The following CES5A variants were observed in gnomAD, a reference collection of about 807,000 sequenced individuals.
CES5A encodes carboxylesterase 5A.
In CES5A, 67 loss-of-function variants were observed where a neutral mutation model predicts 62.9. The observed-to-expected ratio is 1.07, with a 90% CI of 0.88 to 1.31. CES5A has a LOEUF of 1.31. CES5A is among the 50% of genes most tolerant of loss of function. The pLI is 0.00. For synonymous variants in CES5A, 296 were observed against 280.8 expected, an observed-to-expected ratio of 1.05 and a Z score of -0.54; for missense variants, 748 against 708.5, an observed-to-expected ratio of 1.06 and a Z score of -0.63.
At chr16:55,942,755 C>A (rs1358802552) in intron 2 of CES5A, among the ~76,000 whole-genome samples, 1 of 152,082 alleles carries the variant, frequency 6.6e-6, no homozygotes, top group African/African-American at 2.4e-5. Flanking sequence ...TCATAATATC[C>A]AAAATTGGAA....
chr16:55,937,637 C>T (rs144954224), intron 2 of CES5A, among the ~76,000 whole-genome samples: 4 of 152,308 alleles, frequency 2.6e-5, no homozygotes, highest in African/African-American at 4.8e-5. Flanking sequence ...ACAACTGGGA[C>T]GCCTGCAAAG....
intron 7 of CES5A, among the ~76,000 whole-genome samples, chr16:55,860,260 C>T (rs1165405560): frequency 1.3e-5 from 2 of 152,130 alleles, no homozygotes. Context: ...TTTATTAAAC[C>T]TCTTTCCTTT....
At chr16:55,872,095 A>G (rs2033601990) in intron 2 of CES5A, among the ~76,000 whole-genome samples, 2 of 152,186 alleles carry the variant, frequency 1.3e-5, no homozygotes, top group Admixed American at 6.5e-5. Flanking sequence ...AGCTGGCCCA[A>G]CAATTCCCCA....
intron 8 of CES5A, among the ~76,000 whole-genome samples, chr16:55,857,970 G>A (rs367934942): frequency 5.3e-5 from 8 of 152,206 alleles, no homozygotes; most frequent in African/African-American, 1.9e-4. Context: ...CAAAGCAGGT[G>A]GATCACTTGA....
chr16:55,916,288 G>A (rs1263358340), intron 1 of CES5A, among the ~76,000 whole-genome samples: 1 of 152,170 alleles, frequency 6.6e-6, no homozygotes, highest in Non-Finnish European at 1.5e-5. Flanking sequence ...ATAATGACTG[G>A]TAATGGTTTA....
In CES5A at chr16:55,941,775, G is replaced by T. The variant is rs74019335; in HGVS notation, c.160+8010C>A. ...GTGTCAGCAAAAGAACAGGCACATA[G>T]ATAGCATAAGGGAGTTTCTTGGGGT... is the stretch of plus-strand genomic sequence containing the variant. On this transcript the variant is annotated intron_variant, in intron 2 of 13. Transcript: ENST00000521992. Among the ~76,000 whole-genome samples, 934 of 152,206 alleles carry T rather than the reference G, an allele frequency of 6.1e-3. 12 individuals are homozygous for T. The highest frequency in any genetic ancestry group is 0.02 in the African/African-American group (837 of 41,554).
chr16:55,864,389 G>A (rs74606162), intron 5 of CES5A, among the ~76,000 whole-genome samples: 1 of 152,148 alleles, frequency 6.6e-6, no homozygotes. Flanking sequence ...CTGAGCCAGT[G>A]GACCATTTTC....
At position 55,863,379 on chromosome 16, in the gene CES5A, A is replaced by T. The variant is rs757307083; in HGVS notation, c.779T>A (p.Leu260Gln). 271 of 1,603,254 alleles carry T rather than the reference A, an allele frequency of 1.7e-4. No individual in the cohort carries two copies. The highest frequency in any genetic ancestry group is 6.9e-4 in the Middle Eastern group (4 of 5,772). Residue 260 changes from leucine (L) to glutamine (Q), a missense_variant, in exon 6 of 13, where the codon CTG (leucine) becomes CAG (glutamine). By Grantham distance (113) the Leu-to-Gln change is moderately radical. Coordinates refer to ENST00000290567, the MANE Select transcript of CES5A (RefSeq NM_001143685.2). ...MESGVAIIPY[L>Q]EAHDYEKSED... ...ACTCTTCTCATAATCATGGGCCTCC[A>T]GGTAAGGGATGATGGCCACCCCACT...
chr16:55,905,228 C>T (rs1453476700), intron 1 of CES5A, among the ~76,000 whole-genome samples: 1 of 152,176 alleles, frequency 6.6e-6, no homozygotes, highest in Non-Finnish European at 1.5e-5. Context: ...GGCTTTATCA[C>T]ACAGACAACT....
intron 1 of CES5A, among the ~76,000 whole-genome samples, chr16:55,883,132 CAG>C (rs2142426131): frequency 6.6e-6 from 1 of 152,326 alleles, no homozygotes; most frequent in African/African-American, 2.4e-5. Flanking sequence ...CAGCTATGAT[CAG>C]AGTTACCGCT....
At chr16:55,871,538 C>G in intron 3 of CES5A, 87 bp downstream of exon 3, 1 of 1,487,118 alleles carries the variant, frequency 6.7e-7, no homozygotes, top group South Asian at 1.3e-5. Context: ...GGGGGTAGTT[C>G]CAATTCCAGA....
chr16:55,856,713 T>C (rs2033251547), intron 8 of CES5A, among the ~76,000 whole-genome samples: 1 of 152,234 alleles, frequency 6.6e-6, no homozygotes, highest in Non-Finnish European at 1.5e-5. Context: ...CATTATGGGC[T>C]TAATTGTGGC....
chr16:55,851,851 C>A, intron 10 of CES5A, among the ~76,000 whole-genome samples: 1 of 152,254 alleles, frequency 6.6e-6, no homozygotes, highest in East Asian at 1.9e-4. Flanking sequence ...GAACATTAGT[C>A]AGCCTTAAAA....
chr16:55,877,276 C>G (rs1303358227), upstream of CES5A, among the ~76,000 whole-genome samples: 6 of 152,114 alleles, frequency 3.9e-5, no homozygotes, highest in Non-Finnish European at 8.8e-5. Flanking sequence ...ATTATGCTAT[C>G]TAAAGAAACT....
chr16:55,955,109 C>T lies in CES5A; in HGVS notation c.42+735G>A, dbSNP rs543028904. Among the ~76,000 whole-genome samples, 5 of 152,306 alleles carry T rather than the reference C, an allele frequency of 3.3e-5. No individual in the cohort carries two copies. In the South Asian group the frequency reaches 1.0e-3, roughly 32 times the overall value. On this transcript the variant is annotated intron_variant, in intron 1 of 13. Coordinates refer to the CES5A transcript ENST00000521992. Reference sequence around the variant, plus strand: ...AATGACAGTTCTGGCTGCTGCTTCCCTGACCCCTTCCTTCTGCCCCAGGGA... The same window carrying T: ...AATGACAGTTCTGGCTGCTGCTTCCTTGACCCCTTCCTTCTGCCCCAGGGA...
intron 1 of CES5A, among the ~76,000 whole-genome samples, chr16:55,883,849 A>G (rs2033786409): frequency 6.6e-6 from 1 of 152,170 alleles, no homozygotes; most frequent in Non-Finnish European, 1.5e-5. Flanking sequence ...CACTAGAGAA[A>G]TGACCACTAT....
chr16:55,903,351 G>GT (rs1397682170), intron 1 of CES5A, among the ~76,000 whole-genome samples: 1 of 152,202 alleles, frequency 6.6e-6, no homozygotes, highest in Non-Finnish European at 1.5e-5. Context: ...AACAATATTT[G>GT]TTTTTAACAA....
chr16:55,851,967 T>C (rs1460233922), intron 10 of CES5A, among the ~76,000 whole-genome samples: 2 of 152,198 alleles, frequency 1.3e-5, no homozygotes, highest in Admixed American at 1.3e-4. Context: ...TCAACTTACA[T>C]TGAGTAACTA....
At chr16:55,954,010 A>G (rs1356222373) in intron 1 of CES5A, among the ~76,000 whole-genome samples, 1 of 152,134 alleles carries the variant, frequency 6.6e-6, no homozygotes, top group Non-Finnish European at 1.5e-5. Flanking sequence ...ATATTTTTGC[A>G]CCCATTAATC....
Sources: gnomAD v4.1 joint callset for allele counts (sites outside exome capture counted in the v4.1 genomes callset) on GRCh38, gnomAD v4.1.1 for gene constraint, MANE v1.5 for transcripts, NCBI Gene and HGNC (gene_info 2026-07-23, HGNC 2026-07-21) for gene names.